The following DLGAP2 variants were observed in gnomAD, a reference collection of about 807,000 sequenced individuals.
DLGAP2 encodes the protein DLG associated protein 2, also known as disks large-associated protein 2.
A neutral mutation model predicts 100.3 loss-of-function variants in DLGAP2; 26 were observed. The observed-to-expected ratio is 0.26, with a 90% CI of 0.19 to 0.36. DLGAP2 has a LOEUF of 0.36. Among genes scored for constraint, DLGAP2 ranks in the 10% least tolerant of loss-of-function variants. The probability of loss-of-function intolerance (pLI) is 1.00; values close to 1 mark genes in which losing one functional copy is unlikely to be tolerated. For missense variants in DLGAP2, 1,858 were observed against 1,453.2 expected (o/e 1.28, Z -4.53); for synonymous variants, 886 against 630.1 (o/e 1.41, Z -6.08).
At chr8:1,684,703 T>C (rs981854076) in intron 12 of DLGAP2, among the ~76,000 whole-genome samples, 5 of 150,788 alleles carry the variant, frequency 3.3e-5, no homozygotes, top group Non-Finnish European at 5.9e-5. Flanking sequence ...TTTCAAGATA[T>C]TAAATCATTA....
intron 3 of DLGAP2, among the ~76,000 whole-genome samples, chr8:1,472,159 CGGGGCCGCACT>C (rs1798820960): frequency 6.6e-6 from 1 of 152,264 alleles, no homozygotes; most frequent in East Asian, 1.9e-4. Flanking sequence ...AGAGCTCAGA[CGGGGCCGCACT>C]GGGGAGGTGA....
intron 3 of DLGAP2, among the ~76,000 whole-genome samples, chr8:1,277,665 C>T (rs11779237): frequency 0.012 from 1,825 of 152,216 alleles, 14 homozygotes; most frequent in Admixed American, 0.02. Flanking sequence ...AAGTGTTATC[C>T]GAAATGAGTG....
intron 2 of DLGAP2, among the ~76,000 whole-genome samples, chr8:1,141,551 G>T (rs758754947): frequency 6.6e-6 from 1 of 152,066 alleles, no homozygotes; most frequent in Non-Finnish European, 1.5e-5. Flanking sequence ...TATTATTAAT[G>T]GGAACTCAGA....
intron 3 of DLGAP2, among the ~76,000 whole-genome samples, chr8:1,344,868 A>C (rs947823481): frequency 6.6e-6 from 1 of 152,208 alleles, no homozygotes; most frequent in Non-Finnish European, 1.5e-5. Context: ...AGACTGGACT[A>C]TGAAGGCTGG....
At chr8:1,563,227 A>T (rs1306094059) in intron 5 of DLGAP2, among the ~76,000 whole-genome samples, 1 of 14,632 alleles carries the variant, frequency 6.8e-5, no homozygotes, top group Non-Finnish European at 1.2e-4. Context: ...CTGGTGTTGG[A>T]GTGTCTGCGC....
chr8:1,330,584 G>A (rs1195105996), intron 3 of DLGAP2, among the ~76,000 whole-genome samples: 1 of 142,684 alleles, frequency 7.0e-6, no homozygotes, highest in Admixed American at 7.0e-5. Flanking sequence ...CTGTGTGGGA[G>A]CACCGCTTCA....
At chr8:1,004,852 T>C (rs891887227) in intron 2 of DLGAP2, among the ~76,000 whole-genome samples, 6 of 152,198 alleles carry the variant, frequency 3.9e-5, no homozygotes, top group Non-Finnish European at 8.8e-5. Context: ...ATATGTTTTG[T>C]ATCCTCAACT....
intron 1 of DLGAP2, among the ~76,000 whole-genome samples, chr8:865,052 AATG>A (rs1797468644): frequency 6.6e-6 from 1 of 152,172 alleles, no homozygotes; most frequent in African/African-American, 2.4e-5. Context: ...CAGATTTGGA[AATG>A]ATATTGTTTT....
intron 3 of DLGAP2, among the ~76,000 whole-genome samples, chr8:1,380,812 C>G (rs957423391): frequency 2.0e-5 from 3 of 151,662 alleles, no homozygotes; most frequent in African/African-American, 4.9e-5. Context: ...AATACCTTAT[C>G]TTATTAAATT....
intron 1 of DLGAP2, among the ~76,000 whole-genome samples, chr8:817,859 C>T (rs1016087468): frequency 2.0e-5 from 3 of 152,104 alleles, no homozygotes; most frequent in Non-Finnish European, 4.4e-5. Context: ...CCTGCTCCGG[C>T]GGAGGGGGCA....
At chr8:1,277,440 A>T (rs1308864652) in intron 3 of DLGAP2, among the ~76,000 whole-genome samples, 1 of 152,206 alleles carries the variant, frequency 6.6e-6, no homozygotes, top group African/African-American at 2.4e-5. Flanking sequence ...TAAAACAAAC[A>T]TCTGACCTGT....
At chr8:1,553,253 C>T (rs1213839136) in intron 5 of DLGAP2, among the ~76,000 whole-genome samples, 1 of 152,246 alleles carries the variant, frequency 6.6e-6, no homozygotes, top group Admixed American at 6.5e-5. Context: ...GCGTCCTGCG[C>T]TCCTGGTTTT....
At chr8:1,300,270 T>C (rs12675068) in intron 3 of DLGAP2, 123,226 of 151,764 alleles carry the variant, frequency 0.81, 50,348 homozygotes, top group African/African-American at 0.9. Flanking sequence ...TATATATACA[T>C]ACACATACAC....
chr8:1,584,707 T>G (rs1796060847), intron 6 of DLGAP2, among the ~76,000 whole-genome samples: 1 of 152,062 alleles, frequency 6.6e-6, no homozygotes, highest in South Asian at 2.1e-4. Context: ...CACTTGGCAC[T>G]TGCTCCTGGG....
chr8:1,119,150 TATTTTGCACTGA>T (rs1238346110), intron 2 of DLGAP2, among the ~76,000 whole-genome samples: 1 of 152,286 alleles, frequency 6.6e-6, no homozygotes, highest in Non-Finnish European at 1.5e-5. Context: ...TGGCCCATAT[TATTTTGCACTGA>T]GATGGCATAA....
At chr8:1,126,680 TTTGA>T (rs1796173206) in intron 2 of DLGAP2, among the ~76,000 whole-genome samples, 1 of 152,120 alleles carries the variant, frequency 6.6e-6, no homozygotes, top group Admixed American at 6.5e-5. Flanking sequence ...TGCTGAGGGC[TTTGA>T]TTAAGAGTCT....
At chr8:1,163,972 C>T (rs539725351) in intron 2 of DLGAP2, among the ~76,000 whole-genome samples, 136 of 152,344 alleles carry the variant, frequency 8.9e-4, no homozygotes, top group South Asian at 7.9e-3. Flanking sequence ...GCCTCCTAGA[C>T]GAGAGCCCTC....
At chr8:1,262,591 C>G (rs1799373954) in intron 3 of DLGAP2, 1 of 152,144 alleles carries the variant, frequency 6.6e-6, no homozygotes, top group Non-Finnish European at 1.5e-5. Flanking sequence ...TCTCAGTTGT[C>G]ATAATAATTT....
chr8:1,140,908 G>C (rs368437288), intron 2 of DLGAP2, among the ~76,000 whole-genome samples: 2 of 152,170 alleles, frequency 1.3e-5, no homozygotes, highest in Non-Finnish European at 2.9e-5. Context: ...CGCTTGAACC[G>C]GGGGGTGGAG....
Sources: allele counts gnomAD v4.1 joint callset (sites outside exome capture counted in the v4.1 genomes callset), GRCh38; gene constraint gnomAD v4.1.1; transcripts MANE v1.5; gene names NCBI Gene and HGNC (gene_info 2026-07-23, HGNC 2026-07-21).